The following CTNNA2 variants were observed in gnomAD, a reference collection of about 807,000 sequenced individuals.
CTNNA2 encodes catenin alpha-2.
Under a neutral mutation model 101.0 loss-of-function variants are expected in CTNNA2, and 42 were observed. That is an observed-to-expected ratio of 0.42 (90% CI 0.32 to 0.54). The LOEUF (loss-of-function observed/expected upper bound fraction) is 0.54, where lower values mean the gene tolerates loss of function less well. CTNNA2 is among the 20% of genes least tolerant of loss of function. CTNNA2 has a pLI of 0.14. For synonymous variants in CTNNA2, 450 were observed against 456.4 expected (o/e 0.99, Z 0.18); for missense variants, 871 against 1,223.1 (o/e 0.71, Z 4.29).
chr2:80,203,920 A>G (rs990809069), intron 7 of CTNNA2, among the ~76,000 whole-genome samples: 16 of 152,156 alleles, frequency 1.1e-4, no homozygotes, highest in Middle Eastern at 3.2e-3. Flanking sequence ...CCAAATCCCA[A>G]TTCTTGACTT....
chr2:79,708,729 G>C (rs1425103717), intron 2 of CTNNA2, among the ~76,000 whole-genome samples: 2 of 152,042 alleles, frequency 1.3e-5, no homozygotes, highest in Non-Finnish European at 2.9e-5. Context: ...TTTTTGTAAA[G>C]AGTTACCATA....
At chr2:79,941,799 A>G (rs576232641) in intron 7 of CTNNA2, among the ~76,000 whole-genome samples, 13 of 152,018 alleles carry the variant, frequency 8.6e-5, no homozygotes, top group African/African-American at 3.1e-4. Flanking sequence ...TTGTATTTGC[A>G]GTAGAGGTGG....
chr2:79,470,693 A>G (rs1262442267), intron 4 of CTNNA2, among the ~76,000 whole-genome samples: 1 of 152,184 alleles, frequency 6.6e-6, no homozygotes, highest in African/African-American at 2.4e-5. Context: ...ACTTCTTTGA[A>G]TGCTTCTGAT....
At chr2:79,404,159 C>A (rs1678317524) in intron 4 of CTNNA2, among the ~76,000 whole-genome samples, 1 of 150,564 alleles carries the variant, frequency 6.6e-6, no homozygotes, top group Non-Finnish European at 1.5e-5. Flanking sequence ...AAAAAAAGGG[C>A]AATAGTGTAC....
chr2:79,511,810 G>A (rs1250105535), upstream of CTNNA2, among the ~76,000 whole-genome samples: 1 of 152,046 alleles, frequency 6.6e-6, no homozygotes, highest in Non-Finnish European at 1.5e-5. Context: ...CAATGGCATA[G>A]CCATTGATGA....
chr2:79,682,205 G>A (rs1205563116), intron 2 of CTNNA2, among the ~76,000 whole-genome samples: 1 of 151,700 alleles, frequency 6.6e-6, no homozygotes, highest in Non-Finnish European at 1.5e-5. Flanking sequence ...TCAGGAGATC[G>A]AGACCATCCT....
At chr2:80,621,159 C>T (rs575139517) in intron 18 of CTNNA2, among the ~76,000 whole-genome samples, 9 of 151,662 alleles carry the variant, frequency 5.9e-5, no homozygotes, top group Admixed American at 4.6e-4. Flanking sequence ...TTAGATCTCT[C>T]GGGCCTCAGT....
At chr2:80,173,932 C>A (rs1705231981) in intron 7 of CTNNA2, among the ~76,000 whole-genome samples, 1 of 152,140 alleles carries the variant, frequency 6.6e-6, no homozygotes, top group Non-Finnish European at 1.5e-5. Context: ...CTTCTTCTCT[C>A]CCGCTCCAAC....
At position 80,405,433 on chromosome 2, in the gene CTNNA2, G is replaced by A. The variant is rs373035774; in HGVS notation, c.1137+12142G>A. Among the ~76,000 whole-genome samples the A allele has an allele frequency of 2.6e-5, 4 of 152,162 alleles. No individual in the cohort carries two copies. In the East Asian group the frequency reaches 7.7e-4, roughly 29 times the overall value. On this transcript the variant is annotated intron_variant, in intron 8 of 18. Coordinates refer to ENST00000402739, the MANE Select transcript of CTNNA2 (RefSeq NM_001282597.3). ...TGGTACACTTTGCTCTTAGTTTATAGCTTTTATTAAAATTCTTTAATGGGA... is the reference window on the plus strand; with the variant it reads ...TGGTACACTTTGCTCTTAGTTTATAACTTTTATTAAAATTCTTTAATGGGA...
chr2:80,551,291 C>T (rs1483442126), intron 11 of CTNNA2, among the ~76,000 whole-genome samples: 1 of 152,120 alleles, frequency 6.6e-6, no homozygotes, highest in Non-Finnish European at 1.5e-5. Flanking sequence ...GTAGATTTAG[C>T]ATAACTCTTA....
rs73938520 is a variant in CTNNA2 at position 80,583,154 on chromosome 2, G to A, written c.2007+1335G>A. 7.2e-4 allele frequency among the ~76,000 whole-genome samples: 109 copies of A among 152,240 alleles called. 3 individuals carry two copies. In the East Asian group the frequency reaches 0.012, roughly 17 times the overall value. On this transcript the variant is annotated intron_variant, in intron 14 of 18. Transcript: ENST00000402739. ...AGTTTCAGACCTCTCTCTAAAATGC[G>A]AATAACAGGGTTACCTGATAGGATT...
chr2:79,409,332 T>C (rs1369144446), intron 4 of CTNNA2, among the ~76,000 whole-genome samples: 1 of 152,114 alleles, frequency 6.6e-6, no homozygotes, highest in East Asian at 1.9e-4. Context: ...TTTTGTCTTT[T>C]GTTGCCATTG....
intron 9 of CTNNA2, among the ~76,000 whole-genome samples, chr2:80,439,538 A>G (rs61494736): frequency 0.037 from 5,607 of 152,084 alleles, 326 homozygotes; most frequent in African/African-American, 0.12. Context: ...AGCTGGGATT[A>G]CAGGCGCAAA....
intron 12 of CTNNA2, among the ~76,000 whole-genome samples, chr2:80,562,138 C>A (rs1693658924): frequency 7.6e-6 from 1 of 130,978 alleles, no homozygotes; most frequent in South Asian, 2.3e-4. Flanking sequence ...TATCTTAGGA[C>A]TGTTAACCTT....
intron 3 of CTNNA2, among the ~76,000 whole-genome samples, chr2:79,340,558 G>A (rs1677105424): frequency 1.3e-5 from 2 of 152,152 alleles, no homozygotes. Context: ...ATGAGGCCGG[G>A]CGTGGTGGCT....
chr2:80,216,096 C>T (rs988021482), intron 7 of CTNNA2, among the ~76,000 whole-genome samples: 6 of 152,196 alleles, frequency 3.9e-5, no homozygotes, highest in Non-Finnish European at 5.9e-5. Flanking sequence ...GTGCCATTTG[C>T]TAAGACTGTT....
At chr2:79,787,424 T>C (rs1317276827) in intron 3 of CTNNA2, among the ~76,000 whole-genome samples, 1 of 151,904 alleles carries the variant, frequency 6.6e-6, no homozygotes, top group Non-Finnish European at 1.5e-5. Context: ...CTTAGCAGGG[T>C]TGTTTGTGTT....
intron 9 of CTNNA2, among the ~76,000 whole-genome samples, chr2:80,479,833 T>C (rs1051225003): frequency 4.6e-5 from 7 of 152,194 alleles, no homozygotes; most frequent in Non-Finnish European, 8.8e-5. Flanking sequence ...GAGTCCACAT[T>C]GGAAAGGTCA....
chr2:79,483,328 T>C (rs2104557954), intron 4 of CTNNA2, among the ~76,000 whole-genome samples: 1 of 152,328 alleles, frequency 6.6e-6, no homozygotes, highest in East Asian at 1.9e-4. Context: ...CCTCAGAATT[T>C]AGTGTCTTAA....
Sources: gnomAD v4.1 joint callset for allele counts (sites outside exome capture counted in the v4.1 genomes callset) on GRCh38, gnomAD v4.1.1 for gene constraint, MANE v1.5 for transcripts, NCBI Gene and HGNC (gene_info 2026-07-23, HGNC 2026-07-21) for gene names.